The following SDK2 variants were observed in gnomAD, a reference collection of about 807,000 sequenced individuals.
SDK2 encodes the protein protein sidekick-2.
SDK2 carries 105 observed loss-of-function variants against 253.9 expected under a neutral mutation model. The ratio of observed to expected loss-of-function variants is 0.41; its 90% CI spans 0.35 to 0.49. The LOEUF is 0.49. Among genes scored for constraint, SDK2 ranks in the 20% least tolerant of loss-of-function variants. The pLI is 0.06. For synonymous variants in SDK2, 1,249 were observed against 1,234.9 expected (o/e 1.01, Z -0.24); for missense variants, 2,608 against 3,003.0 (o/e 0.87, Z 3.07).
chr17:73,355,174 A>ATATATATTT, intron 40 of SDK2, among the ~76,000 whole-genome samples: 2 of 47,238 alleles, frequency 4.2e-5, no homozygotes, highest in Admixed American at 1.8e-4. Flanking sequence ...ATATATATAT[A>ATATATATTT]TTTTTTTTTT....
rs1325006921 is a variant in SDK2 at position 73,440,803 on chromosome 17, ACTAC to A, written c.725+5_725+8del. 6.5e-7 allele frequency: 1 copy of A among 1,544,110 alleles called. No homozygotes were observed. Among genetic ancestry groups the A allele is most frequent in the Non-Finnish European group, 8.8e-7 (1 of 1,140,392 alleles). The stretch of plus-strand genomic sequence containing the variant: ...CGGGTGCGGGAGCGAGGGAAGATGC[ACTAC>A]CTACCTGGCATTGGCCACACACTCC... On this transcript the variant is annotated splice_donor_5th_base_variant and intron_variant, in intron 6 of 44. Transcript: ENST00000392650.
chr17:73,464,048 G>T (rs771957859), intron 3 of SDK2, among the ~76,000 whole-genome samples: 8 of 152,148 alleles, frequency 5.3e-5, no homozygotes, highest in East Asian at 1.9e-4. Context: ...GGCACGGAAT[G>T]GTACTTTGTT....
chr17:73,435,400 C>A lies in SDK2; in HGVS notation c.1195+50G>T, dbSNP rs371875223. ...CTCGGAAGACCTTGGAAGAAAGCTG[C>A]GTCCTGGGAAGAGGGGCTCACGGGC... On this transcript the variant is annotated intron_variant, in intron 9 of 44. Transcript: ENST00000392650. This position sits in a 1 kb window ranked among gnomAD's most constrained non-coding sequence, Gnocchi z 5.7. 4.7e-6 allele frequency: 7 copies of A among 1,499,792 alleles called. No individual in the cohort carries two copies. Among genetic ancestry groups the A allele is most frequent in the South Asian group, 2.6e-5 (2 of 77,054 alleles). 92.9% of individuals were successfully genotyped at this position (1,499,792 alleles called of 1,614,324 possible).
At chr17:73,409,510 A>T (rs758647331) in intron 18 of SDK2, among the ~76,000 whole-genome samples, 3 of 152,026 alleles carry the variant, frequency 2.0e-5, no homozygotes, top group Non-Finnish European at 2.9e-5. Context: ...TGCCCCTGTA[A>T]TCCCAGCTAC....
intron 1 of SDK2, among the ~76,000 whole-genome samples, chr17:73,547,721 G>T (rs757645848): frequency 6.6e-6 from 1 of 152,216 alleles, no homozygotes; most frequent in Non-Finnish European, 1.5e-5. Context: ...AGTTCAGGGG[G>T]TCCGGGGCTG....
At chr17:73,368,305 C>T (rs1599490305) in intron 37 of SDK2, 102 bp downstream of exon 37, 3 of 1,098,294 alleles carry the variant, frequency 2.7e-6, no homozygotes, top group Non-Finnish European at 3.7e-6. Context: ...GCGGATAAGG[C>T]AGCTGCCCCC....
At chr17:73,354,792 C>T (rs898332553) in intron 40 of SDK2, among the ~76,000 whole-genome samples, 9 of 152,100 alleles carry the variant, frequency 5.9e-5, no homozygotes, top group African/African-American at 7.2e-5. Flanking sequence ...TTCTTCTCGC[C>T]GTTCTGCTTC....
rs1030377878 is a variant in SDK2 at position 73,467,401 on chromosome 17, G to A, written c.331+4711C>T. The stretch of plus-strand genomic sequence containing the variant: ...CGGCCGAGCCTCGGTTTCCTCATCT[G>A]TAACATGGAGATGGGGACTTGCACT... On this transcript the variant is annotated intron_variant, in intron 3 of 44. Transcript: ENST00000392650. This position sits in a 1 kb window ranked among gnomAD's most constrained non-coding sequence, Gnocchi z 4.1. Among the ~76,000 whole-genome samples, 1 of 152,138 alleles carries A rather than the reference G, an allele frequency of 6.6e-6. No individual in the cohort carries two copies. Among genetic ancestry groups the A allele is most frequent in the African/African-American group, 2.4e-5 (1 of 41,432 alleles).
chr17:73,617,596 G>T (rs939625810), intron 1 of SDK2, among the ~76,000 whole-genome samples: 6 of 152,094 alleles, frequency 3.9e-5, no homozygotes, highest in African/African-American at 1.4e-4. Context: ...GGGAGCTTAC[G>T]AAGGGGGCGT....
At chr17:73,428,352 C>T (rs561411734) in intron 12 of SDK2, among the ~76,000 whole-genome samples, 5 of 152,262 alleles carry the variant, frequency 3.3e-5, no homozygotes, top group South Asian at 2.1e-4. Context: ...GCGTGAGGCA[C>T]GGCGCCTGGC....
intron 1 of SDK2, among the ~76,000 whole-genome samples, chr17:73,569,323 G>C (rs1171632733): frequency 6.6e-6 from 1 of 151,402 alleles, no homozygotes; most frequent in Admixed American, 6.6e-5. Flanking sequence ...TCAGCCTCCT[G>C]AGTAGCTGGG....
In SDK2 at chr17:73,481,758, A is replaced by G. The variant is rs1309925871; in HGVS notation, c.225-9540T>C. On this transcript the variant is annotated intron_variant, in intron 2 of 44. Transcript: ENST00000392650. This position sits in a 1 kb window ranked among gnomAD's most constrained non-coding sequence, Gnocchi z 4.5. ...GGGGCTCCTGGTTCCCGGCCTGCAG[A>G]CTCTAGGACTTACACCCATGGGCTC... Among the ~76,000 whole-genome samples the G allele has an allele frequency of 6.6e-6, 1 of 151,790 alleles. No individual in the cohort carries two copies. Among genetic ancestry groups the G allele is most frequent in the Non-Finnish European group, 1.5e-5 (1 of 67,938 alleles).
intron 16 of SDK2, among the ~76,000 whole-genome samples, chr17:73,418,236 G>A (rs1809072522): frequency 6.6e-6 from 1 of 152,134 alleles, no homozygotes; most frequent in Admixed American, 6.5e-5. Context: ...TCAATCTCCT[G>A]ACCCCGTGAT....
chr17:73,579,804 C>T (rs2045508760), intron 1 of SDK2, among the ~76,000 whole-genome samples: 1 of 151,932 alleles, frequency 6.6e-6, no homozygotes, highest in Admixed American at 6.6e-5. Context: ...TGGTGAAACC[C>T]CATCTCTACT....
intron 2 of SDK2, among the ~76,000 whole-genome samples, chr17:73,485,196 T>C (rs1215896579): frequency 1.3e-5 from 2 of 152,068 alleles, no homozygotes; most frequent in African/African-American, 4.8e-5. Flanking sequence ...GGTGTGTGTA[T>C]GTGGAGAGGT....
rs892947165 is a variant in SDK2, at chr17:73,643,807, C to T, written c.64+218G>A. ...TGCCTCCCCAGGTCGTCCCCACCTT[C>T]CCCCATTCGGAAGCCACAAGTCTCG... is the stretch of plus-strand genomic sequence containing the variant. On this transcript the variant is annotated intron_variant, in intron 1 of 44. Transcript: ENST00000392650. The surrounding 1 kb of genome is among the most constrained non-coding windows in gnomAD (Gnocchi z 6.9). 2.6e-5 allele frequency among the ~76,000 whole-genome samples: 4 copies of T among 152,116 alleles called. No individual in the cohort carries two copies. Among genetic ancestry groups the T allele is most frequent in the African/African-American group, 9.7e-5 (4 of 41,440 alleles).
chr17:73,551,323 C>A (rs1395599485), intron 1 of SDK2, among the ~76,000 whole-genome samples: 2 of 152,196 alleles, frequency 1.3e-5, no homozygotes, highest in Admixed American at 6.5e-5. Flanking sequence ...TGGCCAGAGA[C>A]CTTGCCCACC....
intron 18 of SDK2, among the ~76,000 whole-genome samples, chr17:73,412,111 TATATGTATAC>T (rs2063141484): frequency 1.6e-4 from 11 of 69,844 alleles, no homozygotes; most frequent in African/African-American, 3.8e-4. Flanking sequence ...TGTATACGTA[TATATGTATAC>T]GTATATATGT....
chr17:73,623,655 CT>C lies in SDK2; in HGVS notation c.64+20369del, dbSNP rs147597740. On this transcript the variant is annotated intron_variant, in intron 1 of 44. Transcript: ENST00000392650. ...TTCTCTCTGGTTGCCTAGCTGCCCC[CT>C]GATCTCACCTGACACTGGGACTCTG... Among the ~76,000 whole-genome samples the C allele has an allele frequency of 3.1e-3, 477 of 152,292 alleles. 3 individuals carry two copies. The highest frequency in any genetic ancestry group is 0.011 in the African/African-American group (463 of 41,556).
Sources: gnomAD v4.1 joint callset for allele counts (sites outside exome capture counted in the v4.1 genomes callset) on GRCh38, gnomAD v4.1.1 for gene constraint, Gnocchi (gnomAD v3.1) non-coding constraint, MANE v1.5 for transcripts, NCBI Gene and HGNC (gene_info 2026-07-23, HGNC 2026-07-21) for gene names.